Variants in VWC2L observed in about 807,000 individuals in gnomAD.
The protein encoded by VWC2L is von Willebrand factor C domain-containing protein 2-like.
Under a neutral mutation model 21.6 loss-of-function variants are expected in VWC2L, and 10 were observed. The ratio of observed to expected loss-of-function variants is 0.46; its 90% CI spans 0.29 to 0.78. The LOEUF (loss-of-function observed/expected upper bound fraction) is 0.78, where lower values mean the gene tolerates loss of function less well. Among genes scored for constraint, VWC2L ranks in the 30% least tolerant of loss-of-function variants. VWC2L has a pLI of 0.10. For missense variants in VWC2L, 209 were observed against 277.1 expected (o/e 0.75, Z 1.74); for synonymous variants, 96 against 94.3 (o/e 1.02, Z -0.10).
chr2:214,469,041 C>A (rs1234982243), intron 3 of VWC2L, among the ~76,000 whole-genome samples: 2 of 151,738 alleles, frequency 1.3e-5, no homozygotes, highest in African/African-American at 2.4e-5. Context: ...TAAATACTTT[C>A]AGTATAAAAA....
chr2:214,450,748 T>C (rs1343449754), intron 3 of VWC2L, among the ~76,000 whole-genome samples: 1 of 152,088 alleles, frequency 6.6e-6, no homozygotes, highest in African/African-American at 2.4e-5. Flanking sequence ...GAAAAAGGTC[T>C]CTGTTGATGA....
At chr2:214,532,940 C>CCCTGAT (rs1247478242) in intron 3 of VWC2L, among the ~76,000 whole-genome samples, 1 of 3,276 alleles carries the variant, frequency 3.1e-4, no homozygotes, top group African/African-American at 4.1e-4. Flanking sequence ...GGGACCCTGA[C>CCCTGAT]AGGCTGACTC....
chr2:214,431,406 G>C (rs554733506), intron 2 of VWC2L, among the ~76,000 whole-genome samples: 4 of 152,066 alleles, frequency 2.6e-5, no homozygotes, highest in Non-Finnish European at 5.9e-5. Flanking sequence ...AGTAAACAAA[G>C]ATTTTCTTTG....
chr2:214,441,698 C>T (rs1327866056), intron 3 of VWC2L, among the ~76,000 whole-genome samples: 1 of 151,846 alleles, frequency 6.6e-6, no homozygotes, highest in Non-Finnish European at 1.5e-5. Context: ...CCTAATAATT[C>T]TTCACTGGGA....
chr2:214,550,332 A>C (rs1689773825), intron 3 of VWC2L, among the ~76,000 whole-genome samples: 1 of 152,346 alleles, frequency 6.6e-6, no homozygotes, highest in Middle Eastern at 3.4e-3. Context: ...AAACATTCTT[A>C]ATAATATGTT....
intron 3 of VWC2L, chr2:214,525,301 CA>C (rs1689315831): frequency 6.6e-6 from 1 of 152,004 alleles, no homozygotes; most frequent in Admixed American, 6.6e-5. Flanking sequence ...TACATGTGTG[CA>C]AACAGACAAA....
At chr2:214,537,562 G>A (rs1234056580) in intron 3 of VWC2L, among the ~76,000 whole-genome samples, 1 of 152,028 alleles carries the variant, frequency 6.6e-6, no homozygotes, top group African/African-American at 2.4e-5. Flanking sequence ...GGCTGGGGAT[G>A]AGAGAAATGA....
intron 3 of VWC2L, among the ~76,000 whole-genome samples, chr2:214,483,415 C>G (rs73072800): frequency 0.063 from 8,397 of 133,310 alleles, 310 homozygotes; most frequent in Middle Eastern, 0.13. Context: ...CTGGCAAAAG[C>G]AAAAAAAAAA....
At chr2:214,447,236 C>T (rs1046235911) in intron 3 of VWC2L, among the ~76,000 whole-genome samples, 3 of 152,096 alleles carry the variant, frequency 2.0e-5, no homozygotes, top group African/African-American at 7.2e-5. Flanking sequence ...AAACCACTGG[C>T]TACGGGAGAG....
intron 3 of VWC2L, among the ~76,000 whole-genome samples, chr2:214,530,740 G>A (rs181326012): frequency 6.6e-6 from 1 of 152,288 alleles, no homozygotes; most frequent in African/African-American, 2.4e-5. Flanking sequence ...AGTTATATCT[G>A]CTTTCAGCCC....
chr2:214,524,098 A>G (rs1002616392), intron 3 of VWC2L, among the ~76,000 whole-genome samples: 11 of 152,206 alleles, frequency 7.2e-5, no homozygotes, highest in African/African-American at 2.7e-4. Flanking sequence ...AATACATTGA[A>G]CCATAGTATA....
At chr2:214,469,667 G>A (rs1459386164) in intron 3 of VWC2L, among the ~76,000 whole-genome samples, 1 of 152,124 alleles carries the variant, frequency 6.6e-6, no homozygotes, top group African/African-American at 2.4e-5. Context: ...AAAGATCTCT[G>A]TATTGCCTTA....
intron 3 of VWC2L, among the ~76,000 whole-genome samples, chr2:214,569,322 A>AAC (rs545837978): frequency 8.6e-5 from 13 of 151,612 alleles, no homozygotes; most frequent in Non-Finnish European, 1.5e-4. Flanking sequence ...ATTTCATGGT[A>AAC]ACACACACAC....
chr2:214,479,263 T>C (rs536062433), intron 3 of VWC2L, among the ~76,000 whole-genome samples: 3 of 152,352 alleles, frequency 2.0e-5, no homozygotes, highest in African/African-American at 7.2e-5. Context: ...ATATTCATGG[T>C]AAATGGACAA....
intron 3 of VWC2L, among the ~76,000 whole-genome samples, chr2:214,516,830 A>G (rs1259643659): frequency 6.6e-6 from 1 of 152,198 alleles, no homozygotes; most frequent in Non-Finnish European, 1.5e-5. Context: ...TGATCTTAAT[A>G]CAAGTTAGAA....
chr2:214,413,863 G>A (rs1233344672), intron 1 of VWC2L, among the ~76,000 whole-genome samples: 1 of 152,110 alleles, frequency 6.6e-6, no homozygotes, highest in South Asian at 2.1e-4. Context: ...CCAGACCTAT[G>A]AAATTCAGAA....
rs71409879 is a variant in VWC2L at position 214,567,547 on chromosome 2, T to TAC, written c.521-8077_521-8076dup. ...TCATCCATTCACCCCTTCATCCACA[T>TAC]ACACACACACACACACACACACACA... is the stretch of plus-strand genomic sequence containing the variant. On this transcript the variant is annotated intron_variant, in intron 3 of 3. Transcript: ENST00000312504. Among the ~76,000 whole-genome samples, 577 of 119,914 alleles carry TAC rather than the reference T, an allele frequency of 4.8e-3. 4 individuals carry two copies. The highest frequency in any genetic ancestry group is 0.019 in the African/African-American group (550 of 29,624). The allele number at this position is 119,914 out of a possible 152,430, so 78.7% of individuals were successfully genotyped here.
intron 2 of VWC2L, chr2:214,415,225 T>A (rs2126168887): frequency 6.6e-6 from 1 of 152,302 alleles, no homozygotes; most frequent in East Asian, 1.9e-4. Flanking sequence ...CTACCTGGTA[T>A]TTTTTAGTTT....
intron 3 of VWC2L, among the ~76,000 whole-genome samples, chr2:214,500,624 T>C (rs1169738521): frequency 1.3e-5 from 2 of 152,250 alleles, no homozygotes; most frequent in African/African-American, 4.8e-5. Flanking sequence ...TGTACTTACC[T>C]GCCCTTAGTC....
Sources: gnomAD v4.1 joint callset for allele counts (sites outside exome capture counted in the v4.1 genomes callset) on GRCh38, gnomAD v4.1.1 for gene constraint, MANE v1.5 for transcripts, NCBI Gene and HGNC (gene_info 2026-07-23, HGNC 2026-07-21) for gene names.